The following VPS13B variants were observed in gnomAD, a reference collection of about 807,000 sequenced individuals.
VPS13B encodes intermembrane lipid transfer protein VPS13B.
A neutral mutation model predicts 426.4 loss-of-function variants in VPS13B; 285 were observed. That is an observed-to-expected ratio of 0.67 (90% confidence interval 0.61 to 0.74). The LOEUF (loss-of-function observed/expected upper bound fraction) is 0.74, where lower values mean the gene tolerates loss of function less well. Ranked by LOEUF, VPS13B falls within the 30% of genes least tolerant of loss-of-function variation. The pLI is 0.00. For missense variants in VPS13B, 4,537 were observed against 4,782.6 expected (o/e 0.95, Z 1.51); for synonymous variants, 1,676 against 1,676.4 (o/e 1.00, Z 0.01).
chr8:99,795,237 T>C (rs541670466), intron 43 of VPS13B, among the ~76,000 whole-genome samples: 182 of 152,322 alleles, frequency 1.2e-3, no homozygotes, highest in Non-Finnish European at 2.1e-3. Context: ...TTTTCTACTT[T>C]CCATGTTACT....
chr8:99,854,576 G>A (rs1816454920), intron 56 of VPS13B, among the ~76,000 whole-genome samples: 1 of 152,182 alleles, frequency 6.6e-6, no homozygotes, highest in African/African-American at 2.4e-5. Context: ...AGCAGTAGTA[G>A]CTGTTCTGTA....
chr8:99,588,175 G>T (rs1481525472), intron 33 of VPS13B, among the ~76,000 whole-genome samples: 1 of 150,546 alleles, frequency 6.6e-6, no homozygotes, highest in African/African-American at 2.5e-5. Context: ...TGTTCCATTG[G>T]ACTATCTGTT....
intron 13 of VPS13B, 68 bp from the exon 14 acceptor site, chr8:99,147,773 A>AT: frequency 9.1e-7 from 1 of 1,093,872 alleles, no homozygotes; most frequent in Non-Finnish European, 1.2e-6. Context: ...GAACTAATTC[A>AT]TTTTTCAGTT....
At chr8:99,099,855 G>C (rs190686147) in intron 4 of VPS13B, among the ~76,000 whole-genome samples, 2 of 152,282 alleles carry the variant, frequency 1.3e-5, no homozygotes, top group Admixed American at 1.3e-4. Context: ...GGTATGGGGA[G>C]AGGTAGATAA....
intron 33 of VPS13B, among the ~76,000 whole-genome samples, chr8:99,578,398 A>G (rs1195955209): frequency 6.6e-6 from 1 of 152,166 alleles, no homozygotes; most frequent in Non-Finnish European, 1.5e-5. Context: ...TTAGGTCTCA[A>G]GTCAGCACTG....
At position 99,631,187 on chromosome 8, in the gene VPS13B, T is replaced by G. The variant is rs116251621; in HGVS notation, c.5221-10624T>G. Among the ~76,000 whole-genome samples, 266 of 139,840 alleles carry G rather than the reference T, an allele frequency of 1.9e-3. 1 individual carries two copies. The highest frequency in any genetic ancestry group is 6.9e-3 in the African/African-American group (261 of 37,944). 91.7% of individuals were successfully genotyped at this position (139,840 alleles called of 152,430 possible). ...TATCTCAAAAATCTTATGTCTGTCT[T>G]GTTGTTCCAGGTCCAAAATTTCTTC... On this transcript the variant is annotated intron_variant, in intron 33 of 61. Transcript: ENST00000357162.
intron 33 of VPS13B, among the ~76,000 whole-genome samples, chr8:99,638,934 T>G (rs575788908): frequency 6.6e-6 from 1 of 152,306 alleles, no homozygotes; most frequent in Admixed American, 6.5e-5. Context: ...TGCCCTGCTC[T>G]TCAGTGATAT....
intron 19 of VPS13B, among the ~76,000 whole-genome samples, chr8:99,321,245 C>A: frequency 7.9e-6 from 1 of 126,400 alleles, no homozygotes. Flanking sequence ...GAGTCTTGCT[C>A]TGTCGCCCAG....
chr8:99,816,274 G>A (rs934821376), intron 44 of VPS13B, among the ~76,000 whole-genome samples: 1 of 151,942 alleles, frequency 6.6e-6, no homozygotes, highest in African/African-American at 2.4e-5. Context: ...AGCTAATTTT[G>A]TATTTTTAGT....
At chr8:99,082,106 C>A (rs1333442352) in intron 3 of VPS13B, among the ~76,000 whole-genome samples, 1 of 152,218 alleles carries the variant, frequency 6.6e-6, no homozygotes, top group African/African-American at 2.4e-5. Flanking sequence ...TGTTTCTCCA[C>A]ATCCTCTCCA....
chr8:99,385,728 G>A (rs1425764084), intron 20 of VPS13B, among the ~76,000 whole-genome samples: 1 of 152,176 alleles, frequency 6.6e-6, no homozygotes, highest in Non-Finnish European at 1.5e-5. Context: ...AAGAGGAATA[G>A]TTCTCACAAC....
intron 35 of VPS13B, 93 bp downstream of exon 35, chr8:99,661,584 G>A: frequency 6.8e-7 from 1 of 1,474,666 alleles, no homozygotes; most frequent in Non-Finnish European, 9.2e-7. Flanking sequence ...GACATTCCGT[G>A]CAAAAAATGA....
intron 19 of VPS13B, among the ~76,000 whole-genome samples, chr8:99,303,326 A>C (rs933712506): frequency 6.6e-6 from 1 of 151,140 alleles, no homozygotes; most frequent in Non-Finnish European, 1.5e-5. Context: ...GTTTTGCAAA[A>C]GTGTTGCTGT....
At chr8:99,431,182 A>G (rs1817090851) in intron 21 of VPS13B, among the ~76,000 whole-genome samples, 1 of 152,160 alleles carries the variant, frequency 6.6e-6, no homozygotes, top group Non-Finnish European at 1.5e-5. Flanking sequence ...TATTGCCTTT[A>G]TACTGAAAAT....
At chr8:99,112,381 C>A (rs1295845011) in intron 6 of VPS13B, among the ~76,000 whole-genome samples, 2 of 151,990 alleles carry the variant, frequency 1.3e-5, no homozygotes, top group Non-Finnish European at 2.9e-5. Context: ...GTTTTTGTTA[C>A]CTTATATTTT....
intron 35 of VPS13B, among the ~76,000 whole-genome samples, chr8:99,667,171 T>C (rs1438624900): frequency 6.6e-6 from 1 of 152,174 alleles, no homozygotes; most frequent in Non-Finnish European, 1.5e-5. Flanking sequence ...TTAATAGTTC[T>C]AGAAGGTAGG....
At chr8:99,349,967 C>G (rs936400071) in intron 19 of VPS13B, among the ~76,000 whole-genome samples, 1 of 152,054 alleles carries the variant, frequency 6.6e-6, no homozygotes, top group African/African-American at 2.4e-5. Flanking sequence ...CAAGAAATCA[C>G]ACATATAAAA....
intron 19 of VPS13B, among the ~76,000 whole-genome samples, chr8:99,377,850 TG>T (rs932578926): frequency 5.3e-5 from 8 of 152,126 alleles, no homozygotes; most frequent in African/African-American, 1.7e-4. Flanking sequence ...AGAGATCACA[TG>T]GTTCAAGGGC....
chr8:99,228,915 CTG>C (rs772285517), intron 17 of VPS13B, among the ~76,000 whole-genome samples: 4 of 151,148 alleles, frequency 2.6e-5, no homozygotes, highest in South Asian at 2.1e-4. Context: ...GTGTGTGTGT[CTG>C]TGTGTGTGTG....
Sources: gnomAD v4.1 joint callset for allele counts (sites outside exome capture counted in the v4.1 genomes callset) on GRCh38, gnomAD v4.1.1 for gene constraint, MANE v1.5 for transcripts, NCBI Gene and HGNC (gene_info 2026-07-23, HGNC 2026-07-21) for gene names.